GABBR2: variants seen among roughly 807,000 people sequenced by gnomAD.
GABBR2 encodes the protein gamma-aminobutyric acid type B receptor subunit 2, also known as G-protein coupled receptor 51.
In GABBR2, 23 loss-of-function variants were observed where a neutral mutation model predicts 105.6. The observed-to-expected ratio is 0.22, with a 90% CI of 0.16 to 0.31. The LOEUF is 0.31. Ranked by LOEUF, GABBR2 falls within the 10% of genes least tolerant of loss-of-function variation. The probability of loss-of-function intolerance (pLI) is 1.00; values close to 1 mark genes in which losing one functional copy is unlikely to be tolerated. For synonymous variants in GABBR2, 478 were observed against 499.7 expected (o/e 0.96, Z 0.58); for missense variants, 734 against 1,245.5 (o/e 0.59, Z 6.18).
intron 1 of GABBR2, among the ~76,000 whole-genome samples, chr9:98,667,904 C>A (rs1212066976): frequency 6.6e-6 from 1 of 152,230 alleles, no homozygotes; most frequent in Non-Finnish European, 1.5e-5. Flanking sequence ...CAGCTGCTGA[C>A]AGTGAACAAC....
chr9:98,471,478 A>G (rs1315587032), intron 6 of GABBR2, among the ~76,000 whole-genome samples: 10 of 152,214 alleles, frequency 6.6e-5, no homozygotes, highest in African/African-American at 2.4e-4. Context: ...TCCCAAATAC[A>G]CTACAAAAAA....
intron 11 of GABBR2, among the ~76,000 whole-genome samples, chr9:98,372,334 G>A (rs1006990564): frequency 8.5e-5 from 13 of 152,058 alleles, no homozygotes; most frequent in Admixed American, 7.2e-4. Context: ...CCCAGGAGAC[G>A]TGCACATCTC....
intron 7 of GABBR2, among the ~76,000 whole-genome samples, chr9:98,414,872 C>G (rs1030558301): frequency 4.6e-5 from 7 of 152,108 alleles, no homozygotes; most frequent in African/African-American, 1.7e-4. Context: ...TCGGAGAACC[C>G]TGAGGCCTAA....
chr9:98,554,542 A>T (rs116551675), intron 2 of GABBR2, among the ~76,000 whole-genome samples: 5 of 151,912 alleles, frequency 3.3e-5, no homozygotes, highest in African/African-American at 1.2e-4. Context: ...TTCTTTTTAA[A>T]CTTCTATTAT....
intron 1 of GABBR2, among the ~76,000 whole-genome samples, chr9:98,697,861 G>T (rs1223977189): frequency 6.6e-6 from 1 of 152,126 alleles, no homozygotes; most frequent in African/African-American, 2.4e-5. Context: ...GGGGGCATTC[G>T]CATGGGCTCT....
At chr9:98,562,232 C>T (rs1167177082) in intron 2 of GABBR2, among the ~76,000 whole-genome samples, 1 of 152,164 alleles carries the variant, frequency 6.6e-6, no homozygotes, top group South Asian at 2.1e-4. Flanking sequence ...CATGAGGAAA[C>T]AAATGACAAT....
At chr9:98,668,938 C>CT (rs1397372810) in intron 1 of GABBR2, among the ~76,000 whole-genome samples, 3 of 147,092 alleles carry the variant, frequency 2.0e-5, no homozygotes, top group African/African-American at 7.5e-5. Flanking sequence ...TTTGTTTATC[C>CT]TTTCATCTGT....
intron 1 of GABBR2, among the ~76,000 whole-genome samples, chr9:98,634,279 G>A (rs1233139725): frequency 6.6e-6 from 1 of 152,210 alleles, no homozygotes; most frequent in Non-Finnish European, 1.5e-5. Context: ...CTGCATGGGT[G>A]TAATTTTTAA....
At chr9:98,492,574 T>G (rs1346487690) in intron 4 of GABBR2, among the ~76,000 whole-genome samples, 1 of 152,144 alleles carries the variant, frequency 6.6e-6, no homozygotes, top group African/African-American at 2.4e-5. Flanking sequence ...ACATCCTTTT[T>G]CTATTCCTGG....
At position 98,655,484 on chromosome 9, in the gene GABBR2, A is replaced by T. The variant is rs543023327; in HGVS notation, c.321+52933T>A. Reference sequence around the variant, plus strand: ...AGAGTGGTGATGTGTGTGGGAATCAATCCATGTGGGACCTTAAGAGTGATG... The same window carrying T: ...AGAGTGGTGATGTGTGTGGGAATCATTCCATGTGGGACCTTAAGAGTGATG... On this transcript the variant is annotated intron_variant, in intron 1 of 18. Transcript: ENST00000259455. Among the ~76,000 whole-genome samples, 8 of 152,330 alleles carry T rather than the reference A, an allele frequency of 5.3e-5. No homozygotes were observed. The East Asian group carries it at 7.7e-4, about 15-fold the overall frequency.
intron 1 of GABBR2, among the ~76,000 whole-genome samples, chr9:98,618,703 T>G (rs1829627150): frequency 6.6e-6 from 1 of 152,188 alleles, no homozygotes; most frequent in South Asian, 2.1e-4. Context: ...AGTTGACATC[T>G]GCCTAACATG....
At chr9:98,525,916 C>A (rs1330649861) in intron 3 of GABBR2, among the ~76,000 whole-genome samples, 1 of 152,116 alleles carries the variant, frequency 6.6e-6, no homozygotes, top group East Asian at 1.9e-4. Context: ...ACACAAATGC[C>A]ACATATTTTG....
At chr9:98,405,696 A>G (rs1456975365) in intron 8 of GABBR2, among the ~76,000 whole-genome samples, 1 of 152,200 alleles carries the variant, frequency 6.6e-6, no homozygotes, top group Non-Finnish European at 1.5e-5. Flanking sequence ...ACTTTAAATC[A>G]TCTCTAGATT....
At chr9:98,416,868 T>A (rs985520736) in intron 7 of GABBR2, among the ~76,000 whole-genome samples, 2 of 152,202 alleles carry the variant, frequency 1.3e-5, no homozygotes, top group African/African-American at 4.8e-5. Context: ...TCCCCTCTGT[T>A]TGAAATGCCT....
intron 1 of GABBR2, among the ~76,000 whole-genome samples, chr9:98,666,375 G>A (rs1830333875): frequency 6.6e-6 from 1 of 152,172 alleles, no homozygotes; most frequent in Non-Finnish European, 1.5e-5. Context: ...GACCCACTTG[G>A]AGAATTCATG....
chr9:98,359,661 G>T (rs1046653705), intron 13 of GABBR2, among the ~76,000 whole-genome samples: 2 of 152,132 alleles, frequency 1.3e-5, no homozygotes, highest in African/African-American at 4.8e-5. Flanking sequence ...GATCTGAAGT[G>T]ATACGGTTAT....
intron 12 of GABBR2, among the ~76,000 whole-genome samples, chr9:98,366,594 G>A (rs980911673): frequency 3.5e-4 from 54 of 152,128 alleles, no homozygotes; most frequent in Non-Finnish European, 2.5e-4. Context: ...CAAAAAACTT[G>A]AGATTTTCTG....
intron 13 of GABBR2, among the ~76,000 whole-genome samples, chr9:98,350,767 T>G (rs1028167209): frequency 6.6e-6 from 1 of 152,236 alleles, no homozygotes; most frequent in African/African-American, 2.4e-5. Flanking sequence ...TGGTCTACAA[T>G]GTACATTAAT....
intron 1 of GABBR2, among the ~76,000 whole-genome samples, chr9:98,598,390 T>C (rs1829269254): frequency 6.6e-6 from 1 of 152,000 alleles, no homozygotes; most frequent in Non-Finnish European, 1.5e-5. Flanking sequence ...AGAAACAGGG[T>C]GAACACAAAA....
Sources: gnomAD v4.1 joint callset for allele counts (sites outside exome capture counted in the v4.1 genomes callset) on GRCh38, gnomAD v4.1.1 for gene constraint, MANE v1.5 for transcripts, NCBI Gene and HGNC (gene_info 2026-07-23, HGNC 2026-07-21) for gene names.